Variants in TRHDE observed in about 807,000 individuals in gnomAD.
The protein encoded by TRHDE is thyrotropin-releasing hormone-degrading ectoenzyme.
In TRHDE, 72 loss-of-function variants were observed where a neutral mutation model predicts 125.7. The ratio of observed to expected loss-of-function variants is 0.57; its 90% CI spans 0.47 to 0.70. The LOEUF is 0.70. Among genes scored for constraint, TRHDE ranks in the 30% least tolerant of loss-of-function variants. The pLI, the probability that TRHDE is intolerant of heterozygous loss-of-function variation, is 0.00. For missense variants in TRHDE, 1,110 were observed against 1,327.1 expected (o/e 0.84, Z 2.54); for synonymous variants, 509 against 509.1 (o/e 1.00, Z 0.00).
At chr12:72,310,423 C>T (rs7970646) in intron 2 of TRHDE, among the ~76,000 whole-genome samples, 45,767 of 152,006 alleles carry the variant, frequency 0.3, 7,166 homozygotes, top group African/African-American at 0.38. Context: ...ATCTTGACTG[C>T]GTTTATTTTT....
At chr12:72,247,813 T>C (rs1472580414) in intron 2 of TRHDE, among the ~76,000 whole-genome samples, 1 of 152,202 alleles carries the variant, frequency 6.6e-6, no homozygotes, top group African/African-American at 2.4e-5. Flanking sequence ...ATCAGAATGG[T>C]ATTCTGGAAT....
At chr12:72,157,935 G>T in intron 2 of TRHDE, among the ~76,000 whole-genome samples, 1 of 152,124 alleles carries the variant, frequency 6.6e-6, no homozygotes, top group East Asian at 1.9e-4. Flanking sequence ...ATGGGAAAAG[G>T]CAAGAGGTAG....
chr12:72,273,541 C>T lies in TRHDE; in HGVS notation c.898C>T (p.Leu300Phe). Residue 300 changes from leucine to phenylalanine, a missense_variant, in exon 1 of 19, where the codon CTC becomes TTC. Physicochemically the swap from Leu to Phe is conservative, Grantham distance 22 (BLOSUM62 0). This residue lies in a region of TRHDE where 252 missense variants were observed against 274.8 expected (regional missense o/e 0.92). Transcript: ENST00000261180. The surrounding 1 kb of genome is among the most constrained non-coding windows in gnomAD (Gnocchi z 5.3). ...LLGFFRSSYV[L>F]HGERRFLGVT... ...GGGCTTCTTCCGCAGCTCCTATGTGCTCCACGGGGAGAGAAGGTATGGAGG... is the reference window on the plus strand; with the variant it reads ...GGGCTTCTTCCGCAGCTCCTATGTGTTCCACGGGGAGAGAAGGTATGGAGG... 1 of 1,599,410 alleles carries T rather than the reference C, an allele frequency of 6.3e-7. No individual in the cohort carries two copies. Among genetic ancestry groups the T allele is most frequent in the Non-Finnish European group, 8.5e-7 (1 of 1,177,392 alleles).
At chr12:72,521,672 C>G (rs1817885) in intron 6 of TRHDE, among the ~76,000 whole-genome samples, 60,411 of 151,994 alleles carry the variant, frequency 0.4, 14,496 homozygotes, top group African/African-American at 0.67. Context: ...GCATGACCAA[C>G]CAGCTGAATA....
chr12:72,616,743 T>G (rs1385109834), intron 12 of TRHDE, among the ~76,000 whole-genome samples: 1 of 152,136 alleles, frequency 6.6e-6, no homozygotes, highest in Non-Finnish European at 1.5e-5. Context: ...AGCCACTTAC[T>G]TACTAAAAGT....
intron 9 of TRHDE, among the ~76,000 whole-genome samples, chr12:72,565,172 A>G (rs557516897): frequency 6.6e-6 from 1 of 152,196 alleles, no homozygotes; most frequent in Non-Finnish European, 1.5e-5. Context: ...TGGCCTATGT[A>G]TATAGCCTTC....
chr12:72,158,558 G>C (rs117788852), intron 2 of TRHDE, among the ~76,000 whole-genome samples: 5,319 of 151,746 alleles, frequency 0.035, 144 homozygotes, highest in Non-Finnish European at 0.047. Context: ...CTTTTCATTT[G>C]GGTTGCCATT....
chr12:72,306,647 T>G (rs1481381746), intron 2 of TRHDE: 1 of 152,170 alleles, frequency 6.6e-6, no homozygotes, highest in African/African-American at 2.4e-5. Context: ...TTACTTAAAT[T>G]TTTACATTTT....
intron 2 of TRHDE, among the ~76,000 whole-genome samples, chr12:72,190,809 T>C (rs1877323259): frequency 6.6e-6 from 1 of 152,160 alleles, no homozygotes; most frequent in African/African-American, 2.4e-5. Flanking sequence ...CCAAAACAGT[T>C]CTTTTCACCA....
chr12:72,410,105 TAA>T (rs1873431088), intron 3 of TRHDE, among the ~76,000 whole-genome samples: 1 of 152,102 alleles, frequency 6.6e-6, no homozygotes, highest in South Asian at 2.1e-4. Flanking sequence ...CCATACATAT[TAA>T]AAATAATATT....
At chr12:72,509,993 A>C (rs186590108) in intron 6 of TRHDE, among the ~76,000 whole-genome samples, 2 of 152,296 alleles carry the variant, frequency 1.3e-5, no homozygotes, top group African/African-American at 4.8e-5. Context: ...AGGGGAAAGA[A>C]AGATTGTGTT....
intron 18 of TRHDE, among the ~76,000 whole-genome samples, chr12:72,659,535 T>TG (rs1565826405): frequency 6.6e-6 from 1 of 152,214 alleles, no homozygotes; most frequent in East Asian, 1.9e-4. Context: ...GTTAATTCTA[T>TG]TCATTTACAT....
intron 3 of TRHDE, among the ~76,000 whole-genome samples, chr12:72,465,834 C>T (rs184048912): frequency 6.4e-4 from 97 of 152,254 alleles, no homozygotes; most frequent in African/African-American, 1.5e-3. Flanking sequence ...CTTCAATACA[C>T]GGTTATAAGG....
At chr12:72,645,909 C>T (rs932868054) in intron 15 of TRHDE, among the ~76,000 whole-genome samples, 3 of 151,930 alleles carry the variant, frequency 2.0e-5, no homozygotes, top group Non-Finnish European at 4.4e-5. Flanking sequence ...ATGACTTTCT[C>T]GGACAAATAA....
intron 3 of TRHDE, among the ~76,000 whole-genome samples, chr12:72,443,472 TTGAG>T (rs1417225264): frequency 1.3e-5 from 2 of 151,708 alleles, no homozygotes; most frequent in Non-Finnish European, 2.9e-5. Context: ...AGGACTTAGA[TTGAG>T]TATTAGTCAC....
At chr12:72,150,819 T>G (rs888122954) in intron 2 of TRHDE, among the ~76,000 whole-genome samples, 1 of 152,122 alleles carries the variant, frequency 6.6e-6, no homozygotes, top group African/African-American at 2.4e-5. Context: ...TTGGGTTGTT[T>G]CCAAGTCTTT....
chr12:72,224,231 A>G (rs12370032), intron 2 of TRHDE, among the ~76,000 whole-genome samples: 49,827 of 145,716 alleles, frequency 0.34, 8,751 homozygotes, highest in Admixed American at 0.39. Flanking sequence ...CTATGCATGT[A>G]TCTATTTCAA....
At chr12:72,275,605 C>T (rs1384558697) in intron 1 of TRHDE, among the ~76,000 whole-genome samples, 1 of 152,216 alleles carries the variant, frequency 6.6e-6, no homozygotes, top group Non-Finnish European at 1.5e-5. Flanking sequence ...CATATCATTA[C>T]TGATACATCT....
At chr12:72,380,457 A>G (rs1180202858) in intron 3 of TRHDE, among the ~76,000 whole-genome samples, 1 of 152,186 alleles carries the variant, frequency 6.6e-6, no homozygotes, top group Admixed American at 6.5e-5. Context: ...CAATCATGGA[A>G]GGCTTCATTA....
Sources: gnomAD v4.1 joint callset for allele counts (sites outside exome capture counted in the v4.1 genomes callset) on GRCh38, gnomAD v4.1.1 for gene constraint, gnomAD v4.1.1 regional missense constraint, Gnocchi (gnomAD v3.1) non-coding constraint, MANE v1.5 for transcripts, NCBI Gene and HGNC (gene_info 2026-07-23, HGNC 2026-07-21) for gene names.